RYR2: variants seen among roughly 807,000 people sequenced by gnomAD.
RYR2 encodes the protein ryanodine receptor 2, also known as cardiac muscle ryanodine receptor-calcium release channel.
A neutral mutation model predicts 601.1 loss-of-function variants in RYR2; 227 were observed. The observed-to-expected ratio is 0.38, with a 90% confidence interval of 0.34 to 0.42. RYR2 has a LOEUF of 0.42. Ranked by LOEUF, RYR2 falls within the 10% of genes least tolerant of loss-of-function variation. The pLI is 1.00. For missense variants in RYR2, 4,646 were observed against 6,156.5 expected, an observed-to-expected ratio of 0.75 and a Z score of 8.21; for synonymous variants, 2,223 against 2,175.1, an observed-to-expected ratio of 1.02 and a Z score of -0.61.
At chr1:237,102,434 T>C (rs551627249) in intron 1 of RYR2, among the ~76,000 whole-genome samples, 64 of 152,308 alleles carry the variant, frequency 4.2e-4, no homozygotes, top group African/African-American at 1.5e-3. Context: ...GATACATCCA[T>C]GAGGCTTACA....
intron 2 of RYR2, among the ~76,000 whole-genome samples, chr1:237,304,410 C>T (rs1693671059): frequency 6.6e-6 from 1 of 152,172 alleles, no homozygotes; most frequent in African/African-American, 2.4e-5. Context: ...ACTGAAAATA[C>T]AGAAAGAGCT....
At chr1:237,631,901 G>A (rs1680360527) in intron 42 of RYR2, among the ~76,000 whole-genome samples, 1 of 151,454 alleles carries the variant, frequency 6.6e-6, no homozygotes, top group Non-Finnish European at 1.5e-5. Context: ...CCGAAGTGCT[G>A]GGATTACAGG....
At chr1:237,361,170 G>C (rs1699756010) in intron 4 of RYR2, among the ~76,000 whole-genome samples, 1 of 152,184 alleles carries the variant, frequency 6.6e-6, no homozygotes, top group Non-Finnish European at 1.5e-5. Context: ...AGCGATAGTT[G>C]AAGCTTTTCA....
At chr1:237,244,793 G>A (rs1028970407) in intron 1 of RYR2, among the ~76,000 whole-genome samples, 1 of 122,230 alleles carries the variant, frequency 8.2e-6, no homozygotes, top group East Asian at 2.6e-4. Context: ...AATGAGCCCC[G>A]GGTATTTACC....
At chr1:237,283,518 G>C (rs1466475576) in intron 2 of RYR2, among the ~76,000 whole-genome samples, 1 of 152,170 alleles carries the variant, frequency 6.6e-6, no homozygotes, top group Non-Finnish European at 1.5e-5. Context: ...GAAGGAAGTA[G>C]AGCCTCAATA....
In RYR2 at chr1:237,680,592, A is replaced by G. The variant is rs769547166; in HGVS notation, c.9017+15A>G. 2 of 1,584,856 alleles carry G rather than the reference A, an allele frequency of 1.3e-6. No homozygotes were observed. The highest frequency in any genetic ancestry group is 2.7e-5 in the African/African-American group (2 of 74,372). On this transcript the variant is annotated intron_variant, in intron 62 of 104. Transcript: ENST00000366574. Reference sequence around the variant, plus strand: ...ATGGTGACTAGGTAAACAGCTATAAAAATAAGCACTGTTGTATGACTTAGG... The same window carrying G: ...ATGGTGACTAGGTAAACAGCTATAAGAATAAGCACTGTTGTATGACTTAGG...
chr1:237,563,522 T>A (rs1295045734), intron 27 of RYR2, among the ~76,000 whole-genome samples: 1 of 151,582 alleles, frequency 6.6e-6, no homozygotes, highest in Non-Finnish European at 1.5e-5. Flanking sequence ...GTGAACCACA[T>A]GTTTGTTTCA....
chr1:237,577,500 C>CTGTGTGTGTGTGTG (rs763937941), intron 29 of RYR2, among the ~76,000 whole-genome samples: 1 of 113,778 alleles, frequency 8.8e-6, no homozygotes, highest in Non-Finnish European at 1.9e-5. Flanking sequence ...GTGTGTGTTT[C>CTGTGTGTGTGTGTG]TGTGTGTGTG....
intron 15 of RYR2, among the ~76,000 whole-genome samples, chr1:237,454,819 T>A (rs1336901454): frequency 6.6e-6 from 1 of 152,242 alleles, no homozygotes; most frequent in East Asian, 1.9e-4. Flanking sequence ...AGACATTTAC[T>A]GTCTGCTCAG....
At position 237,103,789 on chromosome 1, in the gene RYR2, G is replaced by A. The variant is rs563013500; in HGVS notation, c.48+61220G>A. On this transcript the variant is annotated intron_variant, in intron 1 of 104. Transcript: ENST00000366574. ...TTACCATGTTGGCCAGGCTGGTCTC[G>A]AACTCCTGACTTCAGGTGGTCCACC... Among the ~76,000 whole-genome samples, 6 of 152,214 alleles carry A rather than the reference G, an allele frequency of 3.9e-5. No homozygotes were observed. In the South Asian group the frequency reaches 1.2e-3, roughly 32 times the overall value.
intron 39 of RYR2, 56 bp from the exon 40 acceptor site, chr1:237,625,605 T>G: frequency 6.5e-7 from 1 of 1,543,968 alleles, no homozygotes; most frequent in South Asian, 1.2e-5. Context: ...TCAGAATTAT[T>G]TGCCCAAGTG....
At chr1:237,269,796 C>T (rs1054262969) in intron 1 of RYR2, among the ~76,000 whole-genome samples, 2 of 152,154 alleles carry the variant, frequency 1.3e-5, no homozygotes, top group African/African-American at 4.8e-5. Context: ...TCCGTGATTC[C>T]TGCAGCACTC....
chr1:237,369,888 T>G (rs1190862633), intron 6 of RYR2, among the ~76,000 whole-genome samples: 1 of 152,186 alleles, frequency 6.6e-6, no homozygotes, highest in Admixed American at 6.5e-5. Context: ...AAGAGTCAAA[T>G]AAGAGATATT....
chr1:237,652,272 CA>C (rs1682835108), intron 51 of RYR2, among the ~76,000 whole-genome samples: 1 of 152,168 alleles, frequency 6.6e-6, no homozygotes, highest in Non-Finnish European at 1.5e-5. Flanking sequence ...ATAGAAAAAT[CA>C]CTGGTATTTT....
chr1:237,794,136 A>C, intron 95 of RYR2, 139 bp downstream of exon 95: 1 of 710,812 alleles, frequency 1.4e-6, no homozygotes, highest in Non-Finnish European at 2.3e-6. Flanking sequence ...AAATCTAAAG[A>C]CTCAGTGCTG....
intron 14 of RYR2, among the ~76,000 whole-genome samples, chr1:237,454,154 A>C (rs1021318177): frequency 1.3e-5 from 2 of 152,140 alleles, no homozygotes; most frequent in African/African-American, 4.8e-5. Context: ...CCTGTAGCCT[A>C]TGAGGTTATT....
In RYR2 at chr1:237,784,605, T is replaced by C. The variant is rs984942880; in HGVS notation, c.12893T>C (p.Val4298Ala). ...ATTTTCATGACCCTCTTGCACTTCG[T>C]GGCCAGCGTTTTCAGAGGCTTTTTC... ...WSIFMTLLHF[V>A]ASVFRGFFRI... Residue 4298 changes from valine to alanine, a missense_variant, in exon 90 of 105, where the codon GTG becomes GCG. Val to Ala is a moderately conservative substitution (Grantham distance 64). Coordinates refer to ENST00000366574, the MANE Select transcript of RYR2 (RefSeq NM_001035.3). This position sits in a 1 kb window ranked among gnomAD's most constrained non-coding sequence, Gnocchi z 7.1. 3.7e-6 allele frequency: 6 copies of C among 1,613,996 alleles called. No homozygotes were observed. Among genetic ancestry groups the C allele is most frequent in the Non-Finnish European group, 5.1e-6 (6 of 1,179,870 alleles).
At chr1:237,706,622 G>A (rs897117010) in intron 67 of RYR2, among the ~76,000 whole-genome samples, 1 of 152,112 alleles carries the variant, frequency 6.6e-6, no homozygotes, top group Non-Finnish European at 1.5e-5. Context: ...CCTCGAAAAC[G>A]GGGAATGGAG....
intron 1 of RYR2, among the ~76,000 whole-genome samples, chr1:237,063,783 A>C (rs1663187830): frequency 6.6e-6 from 1 of 152,092 alleles, no homozygotes; most frequent in African/African-American, 2.4e-5. Context: ...TTATTTTATG[A>C]TGGGTTTACT....
Sources: allele counts gnomAD v4.1 joint callset (sites outside exome capture counted in the v4.1 genomes callset), GRCh38; gene constraint gnomAD v4.1.1; non-coding constraint Gnocchi (gnomAD v3.1); transcripts MANE v1.5; gene names NCBI Gene and HGNC (gene_info 2026-07-23, HGNC 2026-07-21).